PPP2R2B: variants seen among roughly 807,000 people sequenced by gnomAD.
PPP2R2B encodes the protein protein phosphatase 2 regulatory subunit Bbeta.
Under a neutral mutation model 46.0 loss-of-function variants are expected in PPP2R2B, and 5 were observed. That is an observed-to-expected ratio of 0.11 (90% CI 0.06 to 0.23). The LOEUF is 0.23. PPP2R2B is among the 10% of genes least tolerant of loss of function. The probability of loss-of-function intolerance (pLI) is 1.00; values close to 1 mark genes in which losing one functional copy is unlikely to be tolerated. For synonymous variants in PPP2R2B, 215 were observed against 206.7 expected (o/e 1.04, Z -0.34); for missense variants, 367 against 575.0 (o/e 0.64, Z 3.70).
At chr5:146,621,753 A>G (rs1170523614) in intron 7 of PPP2R2B, among the ~76,000 whole-genome samples, 3 of 152,250 alleles carry the variant, frequency 2.0e-5, no homozygotes, top group Non-Finnish European at 4.4e-5. Context: ...CTAGAACTTG[A>G]GGCCACTGTC....
intron 7 of PPP2R2B, among the ~76,000 whole-genome samples, chr5:146,620,519 C>T (rs1773589710): frequency 6.6e-6 from 1 of 152,134 alleles, no homozygotes; most frequent in South Asian, 2.1e-4. Context: ...CTGGTAACAG[C>T]GAGGGCTGGC....
chr5:146,731,085 G>A (rs77782921), intron 2 of PPP2R2B, among the ~76,000 whole-genome samples: 1,548 of 152,244 alleles, frequency 0.01, 24 homozygotes, highest in African/African-American at 0.035. Context: ...ACACCAGCTG[G>A]CTCCTTTTCC....
At chr5:146,881,634 A>G (rs1419289930), upstream of PPP2R2B, among the ~76,000 whole-genome samples, 1 of 152,110 alleles carries the variant, frequency 6.6e-6, no homozygotes, top group South Asian at 2.1e-4. Context: ...GCTGGTCTCA[A>G]ACTCCTGACC....
At chr5:146,936,016 A>T (rs1027956731) in intron 1 of PPP2R2B, among the ~76,000 whole-genome samples, 1 of 152,184 alleles carries the variant, frequency 6.6e-6, no homozygotes, top group Non-Finnish European at 1.5e-5. Flanking sequence ...TACCTGGCAG[A>T]TTGGAGGTAT....
At chr5:146,802,198 G>A (rs565527511) in intron 2 of PPP2R2B, among the ~76,000 whole-genome samples, 4 of 152,014 alleles carry the variant, frequency 2.6e-5, no homozygotes, top group Non-Finnish European at 4.4e-5. Flanking sequence ...CCCTTTTCTC[G>A]CATCCAGAGT....
At chr5:147,032,319 G>A (rs1378922300) in intron 1 of PPP2R2B, among the ~76,000 whole-genome samples, 1 of 152,186 alleles carries the variant, frequency 6.6e-6, no homozygotes, top group African/African-American at 2.4e-5. Flanking sequence ...CTAATGATCA[G>A]AGAAATGCAA....
chr5:146,931,834 A>T (rs1229242762), intron 1 of PPP2R2B, among the ~76,000 whole-genome samples: 1 of 152,192 alleles, frequency 6.6e-6, no homozygotes, highest in South Asian at 2.1e-4. Flanking sequence ...TAATTCTCTT[A>T]ACAATTAATA....
chr5:146,699,257 A>C (rs1779395607), intron 3 of PPP2R2B, among the ~76,000 whole-genome samples: 1 of 152,158 alleles, frequency 6.6e-6, no homozygotes, highest in Non-Finnish European at 1.5e-5. Flanking sequence ...GTATTTGTGC[A>C]GACTCTCTGG....
rs73793251 is a variant in PPP2R2B at position 146,748,173 on chromosome 5, A to T, written c.71-47031T>A. 6.8e-3 allele frequency among the ~76,000 whole-genome samples: 1,038 copies of T among 152,298 alleles called. 14 individuals are homozygous for T. The highest frequency in any genetic ancestry group is 0.024 in the African/African-American group (995 of 41,560). ...AACCGATGAGTAACCTGAGGCCCCAAGAGGCTGCCCATGGTCATTTAGCTA... is the reference window on the plus strand; with the variant it reads ...AACCGATGAGTAACCTGAGGCCCCATGAGGCTGCCCATGGTCATTTAGCTA... On this transcript the variant is annotated intron_variant, in intron 2 of 9. Transcript: ENST00000394411.
At position 146,657,930 on chromosome 5, in the gene PPP2R2B, T is replaced by C. The variant is rs187714111; in HGVS notation, c.448-7206A>G. ...AGGTCATGGGGTTTGGTGGGTTCTGTATCATCAATTAGGAAGTGCACATAG... is the reference window on the plus strand; with the variant it reads ...AGGTCATGGGGTTTGGTGGGTTCTGCATCATCAATTAGGAAGTGCACATAG... On this transcript the variant is annotated intron_variant, in intron 5 of 9. Coordinates refer to ENST00000394411, the MANE Select transcript of PPP2R2B (RefSeq NM_181675.4). Among the ~76,000 whole-genome samples, 11 of 152,268 alleles carry C rather than the reference T, an allele frequency of 7.2e-5. No individual in the cohort carries two copies. In the East Asian group the frequency reaches 2.1e-3, roughly 29 times the overall value.
intron 4 of PPP2R2B, among the ~76,000 whole-genome samples, chr5:146,696,140 G>A (rs953004385): frequency 1.4e-5 from 2 of 145,816 alleles, no homozygotes; most frequent in African/African-American, 5.1e-5. Context: ...GTCTTGCTCT[G>A]TCGCCCAGGG....
At chr5:146,889,676 G>C (rs319192) in intron 1 of PPP2R2B, among the ~76,000 whole-genome samples, 71,605 of 152,024 alleles carry the variant, frequency 0.47, 18,199 homozygotes, top group East Asian at 0.7. Context: ...TAACCTTTCC[G>C]TATAAGTCAT....
intron 2 of PPP2R2B, among the ~76,000 whole-genome samples, chr5:146,769,366 C>T (rs971529055): frequency 1.3e-5 from 2 of 152,290 alleles, no homozygotes; most frequent in South Asian, 2.1e-4. Flanking sequence ...TGTGTATTAG[C>T]GAGCCCTTCA....
chr5:146,649,385 G>T (rs1775795891), intron 6 of PPP2R2B, among the ~76,000 whole-genome samples: 1 of 151,802 alleles, frequency 6.6e-6, no homozygotes, highest in African/African-American at 2.4e-5. Flanking sequence ...AACATAGTGG[G>T]GGTGAAAATA....
intron 1 of PPP2R2B, among the ~76,000 whole-genome samples, chr5:147,032,609 T>A (rs1027611474): frequency 1.3e-5 from 2 of 152,200 alleles, no homozygotes; most frequent in African/African-American, 4.8e-5. Flanking sequence ...ACACAGATGT[T>A]TGGTGTTCCA....
At chr5:146,867,665 G>A (rs1414663684) in intron 2 of PPP2R2B, among the ~76,000 whole-genome samples, 3 of 151,982 alleles carry the variant, frequency 2.0e-5, no homozygotes, top group Admixed American at 6.6e-5. Flanking sequence ...CCACCACTTC[G>A]GCCACCTCAT....
At chr5:146,761,197 A>G (rs995360106) in intron 2 of PPP2R2B, among the ~76,000 whole-genome samples, 2 of 152,224 alleles carry the variant, frequency 1.3e-5, no homozygotes, top group Admixed American at 6.5e-5. Context: ...TCATGCTGCT[A>G]TAAAGACACA....
chr5:146,703,941 CTTTAT>C (rs1748677021), intron 2 of PPP2R2B, among the ~76,000 whole-genome samples: 1 of 152,152 alleles, frequency 6.6e-6, no homozygotes. Context: ...GAGTCCTTAC[CTTTAT>C]TTTAATTCTA....
At chr5:146,710,248 C>T (rs1302059259) in intron 2 of PPP2R2B, among the ~76,000 whole-genome samples, 2 of 152,146 alleles carry the variant, frequency 1.3e-5, no homozygotes, top group African/African-American at 4.8e-5. Context: ...CAAGCTTTCC[C>T]TGCTAATATG....
Sources: allele counts gnomAD v4.1 joint callset (sites outside exome capture counted in the v4.1 genomes callset), GRCh38; gene constraint gnomAD v4.1.1; transcripts MANE v1.5; gene names NCBI Gene and HGNC (gene_info 2026-07-23, HGNC 2026-07-21).